Variants in GLYR1 observed in about 807,000 individuals in gnomAD.
The protein encoded by GLYR1 is glyoxylate reductase 1 homolog.
In GLYR1, 21 loss-of-function variants were observed where a neutral mutation model predicts 72.7. That is an observed-to-expected ratio of 0.29 (90% confidence interval 0.20 to 0.42). The LOEUF (loss-of-function observed/expected upper bound fraction) is 0.42. GLYR1 is among the 10% of genes least tolerant of loss of function. The probability of loss-of-function intolerance (pLI) is 1.00; values close to 1 mark genes in which losing one functional copy is unlikely to be tolerated. For missense variants in GLYR1, 594 were observed against 712.1 expected, an observed-to-expected ratio of 0.83 and a Z score of 1.89; for synonymous variants, 392 against 270.2, an observed-to-expected ratio of 1.45 and a Z score of -4.42.
intron 15 of GLYR1, among the ~76,000 whole-genome samples, chr16:4,808,676 G>A (rs1056937660): frequency 1.3e-5 from 2 of 151,640 alleles, no homozygotes; most frequent in Non-Finnish European, 2.9e-5. Flanking sequence ...TACAGCTGCT[G>A]TTTCACAAAG....
intron 15 of GLYR1, among the ~76,000 whole-genome samples, chr16:4,810,385 C>G (rs539181439): frequency 6.6e-6 from 1 of 151,684 alleles, no homozygotes; most frequent in East Asian, 1.9e-4. Flanking sequence ...TAATCCCAGG[C>G]TACTTGGGAG....
intron 9 of GLYR1, among the ~76,000 whole-genome samples, chr16:4,820,834 G>A (rs2083966975): frequency 6.6e-6 from 1 of 152,240 alleles, no homozygotes; most frequent in African/African-American, 2.4e-5. Flanking sequence ...CTGGGAGCAT[G>A]TCCAGGATCG....
chr16:4,845,954 C>T (rs1479801276), intron 2 of GLYR1, among the ~76,000 whole-genome samples: 1 of 152,196 alleles, frequency 6.6e-6, no homozygotes, highest in African/African-American at 2.4e-5. Flanking sequence ...TCATAAACCT[C>T]CTCTAAATCC....
At chr16:4,811,882 G>T in intron 13 of GLYR1, 80 bp from the exon 14 acceptor site, 1 of 1,501,588 alleles carries the variant, frequency 6.7e-7, no homozygotes. Context: ...CCTCTGCTCA[G>T]ACCCACCTCT....
At chr16:4,842,963 G>T (rs1350992801) in intron 3 of GLYR1, among the ~76,000 whole-genome samples, 1 of 152,090 alleles carries the variant, frequency 6.6e-6, no homozygotes, top group African/African-American at 2.4e-5. Flanking sequence ...GCCTCCCAAA[G>T]TGCTGGGGTT....
At chr16:4,846,744 C>T (rs1366545876) in intron 1 of GLYR1, 1 of 224,856 alleles carries the variant, frequency 4.4e-6, no homozygotes, top group African/African-American at 2.4e-5. Flanking sequence ...CCCGCCGTTT[C>T]TTCGCGGGGC....
rs1005512428 is a variant in GLYR1 at position 4,803,926 on chromosome 16, C to G, written c.*1310G>C. 6.6e-6 allele frequency: 1 copy of G among 151,894 alleles called. No individual in the cohort carries two copies. The highest frequency in any genetic ancestry group is 1.5e-5 in the Non-Finnish European group (1 of 67,954). 9.4% of individuals were successfully genotyped at this position (151,894 alleles called of 1,614,324 possible). A position where few individuals can be genotyped will look rare whatever the true frequency, so the allele number is the denominator to read the frequency against. On this transcript the variant is annotated 3_prime_UTR_variant, in exon 16 of 16. Transcript: ENST00000321919. ...CTTTTTTTTTTGCAACATTCCAAGCCCCCCCCGGTCCCCTATCCAAGGACA... is the reference window on the plus strand; with the variant it reads ...CTTTTTTTTTTGCAACATTCCAAGCGCCCCCCGGTCCCCTATCCAAGGACA...
At chr16:4,832,706 AAT>A in intron 4 of GLYR1, 66 bp downstream of exon 4, 1 of 1,496,038 alleles carries the variant, frequency 6.7e-7, no homozygotes. Flanking sequence ...GGTGACATTT[AAT>A]CTGTTAGTTG....
chr16:4,816,140 A>AT (rs1358300886), intron 10 of GLYR1, among the ~76,000 whole-genome samples: 2 of 151,776 alleles, frequency 1.3e-5, no homozygotes, highest in South Asian at 2.1e-4. Flanking sequence ...TTTGTGAGCC[A>AT]TTTTTTTGTC....
At position 4,820,194 on chromosome 16, in the gene GLYR1, G is replaced by A. The variant is rs569057911; in HGVS notation, c.806+1186C>T. Among the ~76,000 whole-genome samples the A allele has an allele frequency of 2.0e-4, 31 of 152,136 alleles. 1 individual carries two copies. Among genetic ancestry groups the A allele is most frequent in the Non-Finnish European group, 2.1e-4 (14 of 68,030 alleles). ...TGTAGAGACAGGGTTTCACCATGTT[G>A]GCCAGGCTGGTCTTGAACTCCTGAC... On this transcript the variant is annotated intron_variant, in intron 9 of 15. Transcript: ENST00000321919.
chr16:4,821,572 G>C lies in GLYR1; in HGVS notation c.707C>G (p.Thr236Arg), dbSNP rs1873175359. 1 of 1,614,034 alleles carries C rather than the reference G, an allele frequency of 6.2e-7. No homozygotes were observed. The highest frequency in any genetic ancestry group is 8.5e-7 in the Non-Finnish European group (1 of 1,180,016). The change falls in exon 8 of 16, where the codon ACG becomes AGG. Residue 236 changes from threonine (T) to arginine (R), a missense_variant. Transcript: ENST00000321919. ...EKPAVCYQAITKKLKICEEET... is the reference protein window; with the variant it reads ...EKPAVCYQAIRKKLKICEEET... ...CTCTTCACATATTTTCAACTTCTTC[G>C]TGATTGCCTGGTAACAGACAGCTGG...
Position 4,804,877 on chromosome 16 carries a change from G to A in GLYR1, c.*359C>T, listed in dbSNP as rs974568292. 11 of 277,310 alleles carry A rather than the reference G, an allele frequency of 4.0e-5. No individual in the cohort carries two copies. The highest frequency in any genetic ancestry group is 6.9e-5 in the South Asian group (1 of 14,398). The allele number at this position is 277,310 out of a possible 1,614,324, so 17.2% of individuals were successfully genotyped here. A position where few individuals can be genotyped will look rare whatever the true frequency, so the allele number is the denominator to read the frequency against. ...AAGGGGTTTGAGATAAGACAAGCTC[G>A]GAAGAAAAAAAGCCAGGCAGCAGTT... On this transcript the variant is annotated 3_prime_UTR_variant, in exon 16 of 16. Transcript: ENST00000321919.
At chr16:4,822,775 G>C in intron 7 of GLYR1, 100 bp downstream of exon 7, 2 of 979,696 alleles carry the variant, frequency 2.0e-6, no homozygotes, top group Non-Finnish European at 3.3e-6. Flanking sequence ...GCAATACACC[G>C]GCAGAGCCTA....
At chr16:4,824,510 A>G (rs949020857) in intron 5 of GLYR1, among the ~76,000 whole-genome samples, 1 of 151,424 alleles carries the variant, frequency 6.6e-6, no homozygotes, top group Non-Finnish European at 1.5e-5. Flanking sequence ...AAAAAAAAAA[A>G]AAAAAGAAAA....
intron 3 of GLYR1, chr16:4,833,130 A>G (rs954344574): frequency 1.0e-5 from 4 of 398,856 alleles, no homozygotes; most frequent in East Asian, 3.9e-5. Flanking sequence ...CATCACCACC[A>G]CTGCAGCAAC....
chr16:4,820,079 C>A (rs551098999), intron 9 of GLYR1, among the ~76,000 whole-genome samples: 1 of 152,162 alleles, frequency 6.6e-6, no homozygotes, highest in South Asian at 2.1e-4. Context: ...CTCACTGCAA[C>A]CTCCACCTCC....
intron 3 of GLYR1, among the ~76,000 whole-genome samples, chr16:4,842,254 A>AAC (rs2085616848): frequency 6.7e-6 from 1 of 150,082 alleles, no homozygotes; most frequent in Non-Finnish European, 1.5e-5. Context: ...AAAAAAAAAA[A>AAC]AACAACAACA....
At chr16:4,821,882 C>T (rs1436854263) in intron 7 of GLYR1, among the ~76,000 whole-genome samples, 1 of 152,208 alleles carries the variant, frequency 6.6e-6, no homozygotes, top group Non-Finnish European at 1.5e-5. Flanking sequence ...CTCATGAGAT[C>T]CTAGCACGGC....
chr16:4,847,167 C>A, intron 1 of GLYR1, 61 bp downstream of exon 1: 1 of 1,508,794 alleles, frequency 6.6e-7, no homozygotes, highest in Non-Finnish European at 9.1e-7. Context: ...CGGCAGCGAA[C>A]CCCGCGCCCA....
Sources: gnomAD v4.1 joint callset for allele counts (sites outside exome capture counted in the v4.1 genomes callset) on GRCh38, gnomAD v4.1.1 for gene constraint, MANE v1.5 for transcripts, NCBI Gene and HGNC (gene_info 2026-07-23, HGNC 2026-07-21) for gene names.